The following NRXN3 variants were observed in gnomAD, a reference collection of about 807,000 sequenced individuals.
NRXN3 encodes neurexin III.
NRXN3 carries 32 observed loss-of-function variants against 137.6 expected under a neutral mutation model. That is an observed-to-expected ratio of 0.23 (90% CI 0.18 to 0.31). The LOEUF (loss-of-function observed/expected upper bound fraction) is 0.31. Among genes scored for constraint, NRXN3 ranks in the 10% least tolerant of loss-of-function variants. NRXN3 has a pLI of 1.00. For missense variants in NRXN3, 1,574 were observed against 2,062.5 expected, an observed-to-expected ratio of 0.76 and a Z score of 4.59; for synonymous variants, 798 against 784.5, an observed-to-expected ratio of 1.02 and a Z score of -0.29.
rs542489666 is a variant in NRXN3 at position 78,637,081 on chromosome 14, A to G, written c.758-8039A>G. Among the ~76,000 whole-genome samples, 28 of 152,210 alleles carry G rather than the reference A, an allele frequency of 1.8e-4. No individual in the cohort carries two copies. The East Asian group carries it at 3.9e-3, about 21-fold the overall frequency. The stretch of plus-strand genomic sequence containing the variant: ...CCACCCACTGGACCCCTGGTACAAT[A>G]CAAGTATAATTGTGCCACTCATTAG... On this transcript the variant is annotated intron_variant, in intron 4 of 20. Transcript: ENST00000335750.
chr14:78,219,750 G>A (rs1184484475), intron 1 of NRXN3, among the ~76,000 whole-genome samples: 1 of 152,194 alleles, frequency 6.6e-6, no homozygotes, highest in Non-Finnish European at 1.5e-5. Context: ...TTCTTTAGAA[G>A]CCTGGGAGTG....
At chr14:78,779,789 A>G (rs909386456) in intron 8 of NRXN3, among the ~76,000 whole-genome samples, 3 of 152,238 alleles carry the variant, frequency 2.0e-5, no homozygotes, top group African/African-American at 7.2e-5. Flanking sequence ...AAAATGACAA[A>G]ATATTATTGA....
At chr14:79,661,960 T>C (rs1459696426) in intron 16 of NRXN3, among the ~76,000 whole-genome samples, 1 of 152,136 alleles carries the variant, frequency 6.6e-6, no homozygotes, top group Non-Finnish European at 1.5e-5. Context: ...TGGGAGGTAA[T>C]TGGCTCATGT....
At chr14:79,093,351 G>T (rs1251582149) in intron 15 of NRXN3, among the ~76,000 whole-genome samples, 4 of 152,140 alleles carry the variant, frequency 2.6e-5, no homozygotes, top group African/African-American at 9.7e-5. Context: ...GATCTCTTTG[G>T]CCTGAAGTCC....
intron 15 of NRXN3, among the ~76,000 whole-genome samples, chr14:79,249,548 G>T (rs1597807608): frequency 6.6e-6 from 1 of 152,184 alleles, no homozygotes. Flanking sequence ...GAACATGGCT[G>T]GTGTTGCAAC....
At chr14:78,967,559 G>A (rs547589100) in intron 13 of NRXN3, among the ~76,000 whole-genome samples, 161 bp downstream of exon 13, 97 of 152,018 alleles carry the variant, frequency 6.4e-4, no homozygotes, top group Middle Eastern at 3.4e-3. Flanking sequence ...AATTTTTTCC[G>A]TTTTTACTTA....
At chr14:79,200,562 G>A (rs947122581) in intron 15 of NRXN3, among the ~76,000 whole-genome samples, 1 of 152,106 alleles carries the variant, frequency 6.6e-6, no homozygotes, top group African/African-American at 2.4e-5. Context: ...GAGCCCTAAA[G>A]GTCTCTTACA....
intron 8 of NRXN3, among the ~76,000 whole-genome samples, chr14:78,769,555 T>C (rs2098720129): frequency 6.6e-6 from 1 of 152,236 alleles, no homozygotes; most frequent in Non-Finnish European, 1.5e-5. Context: ...ATAGAGCCTA[T>C]AATCAAACAT....
chr14:79,674,628 G>A (rs1159066326), intron 17 of NRXN3, among the ~76,000 whole-genome samples: 1 of 151,866 alleles, frequency 6.6e-6, no homozygotes, highest in Non-Finnish European at 1.5e-5. Flanking sequence ...ACTCCAGTTT[G>A]CATCATCTAC....
At chr14:79,560,504 C>CTTTTCTTT (rs536703528) in intron 16 of NRXN3, among the ~76,000 whole-genome samples, 27 of 43,774 alleles carry the variant, frequency 6.2e-4, no homozygotes, top group South Asian at 1.4e-3. Context: ...AGATTGTAAG[C>CTTTTCTTT]TTTTTTTTTT....
At position 78,293,340 on chromosome 14, in the gene NRXN3, G is replaced by T. The variant is rs115450867; in HGVS notation, c.728-4491G>T. ...TAATATTTGTCCTGACTCTCTCTCA[G>T]ACTGTAGTCTTACATTGTTAAGGGC... is the stretch of plus-strand genomic sequence containing the variant. On this transcript the variant is annotated intron_variant, in intron 3 of 20. Transcript: ENST00000335750. 7.2e-3 allele frequency among the ~76,000 whole-genome samples: 1,092 copies of T among 152,142 alleles called. 12 individuals carry two copies. Among genetic ancestry groups the T allele is most frequent in the African/African-American group, 0.025 (1,033 of 41,474 alleles).
intron 4 of NRXN3, 52 bp from the exon 5 acceptor site, chr14:78,645,068 C>G: frequency 6.8e-7 from 1 of 1,468,052 alleles, no homozygotes; most frequent in Admixed American, 2.1e-5. Flanking sequence ...TTGCATAGGT[C>G]TGACTCTTGC....
At chr14:79,280,561 C>A in intron 15 of NRXN3, 1 of 1,600,126 alleles carries the variant, frequency 6.2e-7, no homozygotes, top group Non-Finnish European at 8.5e-7. Flanking sequence ...GCTCTTTATC[C>A]TTTTAATGGG....
chr14:78,731,274 A>G (rs1362531177), intron 8 of NRXN3, among the ~76,000 whole-genome samples: 1 of 152,144 alleles, frequency 6.6e-6, no homozygotes, highest in African/African-American at 2.4e-5. Flanking sequence ...ATCACTGTTG[A>G]AAAGAAGCCT....
intron 16 of NRXN3, among the ~76,000 whole-genome samples, chr14:79,588,472 GA>G: frequency 6.6e-6 from 1 of 152,166 alleles, no homozygotes; most frequent in African/African-American, 2.4e-5. Flanking sequence ...AATCAGGAGG[GA>G]AAAAAAGGCT....
At position 79,454,349 on chromosome 14, in the gene NRXN3, T is replaced by C. The variant is rs535368882; in HGVS notation, c.3263-12872T>C. 4.0e-4 allele frequency among the ~76,000 whole-genome samples: 61 copies of C among 152,242 alleles called. No homozygotes were observed. In the Middle Eastern group the frequency reaches 0.017, roughly 42 times the overall value. On this transcript the variant is annotated intron_variant, in intron 15 of 20. Transcript: ENST00000335750. ...CACCTGCCTAGGCCTCCCAAAGTGA[T>C]GGGATTACAAGCATGCACCACCAGG...
chr14:78,533,446 T>C (rs2096496006), intron 4 of NRXN3, among the ~76,000 whole-genome samples: 1 of 152,186 alleles, frequency 6.6e-6, no homozygotes, highest in African/African-American at 2.4e-5. Context: ...GATTAAAATC[T>C]GTGTTACCTT....
At chr14:78,356,006 A>C (rs1301678572) in intron 4 of NRXN3, among the ~76,000 whole-genome samples, 1 of 152,252 alleles carries the variant, frequency 6.6e-6, no homozygotes, top group African/African-American at 2.4e-5. Flanking sequence ...CTTTAAAGGC[A>C]GCCTCAGAGA....
At chr14:79,727,264 G>A (rs967478614) in intron 19 of NRXN3, among the ~76,000 whole-genome samples, 4 of 147,270 alleles carry the variant, frequency 2.7e-5, no homozygotes, top group Non-Finnish European at 3.0e-5. Flanking sequence ...ACCTTTAATT[G>A]GTTGGCTTCC....
Sources: gnomAD v4.1 joint callset for allele counts (sites outside exome capture counted in the v4.1 genomes callset) on GRCh38, gnomAD v4.1.1 for gene constraint, MANE v1.5 for transcripts, NCBI Gene and HGNC (gene_info 2026-07-23, HGNC 2026-07-21) for gene names.